RAD54B: variants seen among roughly 807,000 people sequenced by gnomAD.
The protein encoded by RAD54B is RAD54 homolog B, also known as DNA repair and recombination protein RAD54B.
In RAD54B, 78 loss-of-function variants were observed where a neutral mutation model predicts 95.8. The observed-to-expected ratio is 0.81, with a 90% CI of 0.68 to 0.98. RAD54B has a LOEUF of 0.98. Among genes scored for constraint, RAD54B ranks in the 50% least tolerant of loss-of-function variants. The probability of loss-of-function intolerance (pLI) is 0.00; values close to 1 mark genes in which losing one functional copy is unlikely to be tolerated. For missense variants in RAD54B, 957 were observed against 1,056.6 expected (o/e 0.91, Z 1.31); for synonymous variants, 328 against 354.9 (o/e 0.92, Z 0.85).
intron 3 of RAD54B, among the ~76,000 whole-genome samples, chr8:94,415,853 A>G (rs939037135): frequency 3.3e-5 from 5 of 151,648 alleles, no homozygotes; most frequent in African/African-American, 1.2e-4. Context: ...GCAATCATTA[A>G]AAAGTCAGGA....
intron 3 of RAD54B, among the ~76,000 whole-genome samples, chr8:94,425,219 C>T: frequency 6.8e-6 from 1 of 146,168 alleles, no homozygotes. Context: ...AAACCTAAGC[C>T]TTTAATATTC....
At chr8:94,396,785 T>C (rs965808334) in intron 8 of RAD54B, among the ~76,000 whole-genome samples, 9 of 152,160 alleles carry the variant, frequency 5.9e-5, no homozygotes, top group Admixed American at 6.6e-5. Flanking sequence ...TTTTTGGAGA[T>C]AGGACCTTTA....
At chr8:94,437,669 C>CT (rs370163232) in intron 3 of RAD54B, among the ~76,000 whole-genome samples, 2 of 152,072 alleles carry the variant, frequency 1.3e-5, no homozygotes, top group African/African-American at 4.8e-5. Flanking sequence ...GCTAGCCTGC[C>CT]TTATCATGTG....
intron 3 of RAD54B, among the ~76,000 whole-genome samples, chr8:94,448,243 TG>T (rs1812567717): frequency 6.6e-6 from 1 of 152,066 alleles, no homozygotes; most frequent in African/African-American, 2.4e-5. Context: ...GAGCTATGAT[TG>T]TACCACTGCA....
chr8:94,453,920 T>C (rs912730479), intron 3 of RAD54B, among the ~76,000 whole-genome samples: 2 of 151,974 alleles, frequency 1.3e-5, no homozygotes, highest in Non-Finnish European at 2.9e-5. Flanking sequence ...GCCTCCCAAG[T>C]AGCTGGGATT....
intron 12 of RAD54B, 83 bp downstream of exon 12, chr8:94,380,062 T>C (rs1810695042): frequency 3.5e-6 from 5 of 1,414,712 alleles, no homozygotes; most frequent in Non-Finnish European, 4.8e-6. Context: ...GGATATTATA[T>C]ATCATCATTA....
chr8:94,404,013 C>T (rs1048424996), intron 6 of RAD54B, 64 bp downstream of exon 6: 19 of 1,301,176 alleles, frequency 1.5e-5, no homozygotes, highest in Non-Finnish European at 2.0e-5. Flanking sequence ...CTTAGAAAAC[C>T]ATTATTGTGT....
At chr8:94,466,136 C>A (rs1295586582) in intron 2 of RAD54B, among the ~76,000 whole-genome samples, 1 of 151,920 alleles carries the variant, frequency 6.6e-6, no homozygotes, top group African/African-American at 2.4e-5. Context: ...TAATTGTACA[C>A]TTAAAAATGG....
At chr8:94,406,395 A>T (rs2130025890) in intron 5 of RAD54B, among the ~76,000 whole-genome samples, 1 of 152,352 alleles carries the variant, frequency 6.6e-6, no homozygotes. Context: ...GGGATTGTTA[A>T]AAGAGCTGGT....
chr8:94,432,086 T>C, intron 3 of RAD54B: 1 of 1,494,148 alleles, frequency 6.7e-7, no homozygotes, highest in African/African-American at 1.4e-5. Flanking sequence ...TTAAAGTAAT[T>C]TGGCCAAAAT....
chr8:94,464,119 A>G (rs1812971764), intron 2 of RAD54B, among the ~76,000 whole-genome samples: 1 of 152,162 alleles, frequency 6.6e-6, no homozygotes, highest in African/African-American at 2.4e-5. Context: ...AGATTTCCAC[A>G]CCCTAATCCC....
chr8:94,460,364 T>G (rs540297854), intron 2 of RAD54B, among the ~76,000 whole-genome samples: 8 of 152,118 alleles, frequency 5.3e-5, no homozygotes, highest in Non-Finnish European at 1.0e-4. Context: ...CCAGATACTT[T>G]GAACACTGAG....
intron 5 of RAD54B, 105 bp from the exon 6 acceptor site, chr8:94,404,344 G>T: frequency 1.7e-6 from 2 of 1,146,060 alleles, no homozygotes; most frequent in Non-Finnish European, 2.3e-6. Context: ...ATCATTTGTG[G>T]CCAAAAAAGT....
At chr8:94,460,456 G>GCCAGAC (rs1162728885) in intron 2 of RAD54B, among the ~76,000 whole-genome samples, 3 of 152,128 alleles carry the variant, frequency 2.0e-5, no homozygotes, top group African/African-American at 7.2e-5. Flanking sequence ...GGGCAACAGA[G>GCCAGAC]CCAGACCCTG....
Position 94,407,724 on chromosome 8 carries a change from T to C in RAD54B, c.500-4A>G. On this transcript the variant is annotated splice_polypyrimidine_tract_variant and splice_region_variant and intron_variant, in intron 4 of 14. Coordinates refer to ENST00000336148, the MANE Select transcript of RAD54B (RefSeq NM_012415.3). The stretch of plus-strand genomic sequence containing the variant: ...TCTTTGAATTTATAACCAATGCCTT[T>C]AAGTTAAGAAAGAAAAAAATTAATT... The C allele has an allele frequency of 1.9e-6, 3 of 1,601,946 alleles. No individual in the cohort carries two copies. Among genetic ancestry groups the C allele is most frequent in the South Asian group, 1.1e-5 (1 of 89,658 alleles).
chr8:94,465,722 CA>C (rs750546679), intron 2 of RAD54B, among the ~76,000 whole-genome samples: 2 of 152,272 alleles, frequency 1.3e-5, no homozygotes, highest in Admixed American at 1.3e-4. Context: ...TTCACAGCAG[CA>C]TTATTCGCCA....
rs773600623 is a variant in RAD54B at position 94,467,503 on chromosome 8, T to C, written c.37A>G (p.Asn13Asp). ...ATAAATTTTGGTTTTTTGAAGGAAT[T>C]CCCCTGCAACTGACTTGGTGCTGCA... is the stretch of plus-strand genomic sequence containing the variant. ...RSAAPSQLQG[N>D]SFKKPKFIPP... Residue 13 changes from asparagine to aspartate, a missense_variant, in exon 2 of 15, where the codon AAT (asparagine) becomes GAT (aspartate). Asn to Asp is a conservative substitution (Grantham distance 23). Transcript: ENST00000336148. The C allele has an allele frequency of 1.2e-6, 2 of 1,613,714 alleles. No homozygotes were observed. Among genetic ancestry groups the C allele is most frequent in the Non-Finnish European group, 1.7e-6 (2 of 1,180,018 alleles).
chr8:94,431,798 C>T (rs1586165473), intron 3 of RAD54B: 5 of 1,005,746 alleles, frequency 5.0e-6, no homozygotes, highest in Non-Finnish European at 5.9e-6. Context: ...AAAGTTCTAA[C>T]TAAAAATGTT....
At chr8:94,411,610 T>C (rs574843342) in intron 3 of RAD54B, among the ~76,000 whole-genome samples, 4 of 152,090 alleles carry the variant, frequency 2.6e-5, no homozygotes, top group African/African-American at 9.6e-5. Flanking sequence ...ACTCTAAAAA[T>C]TAAGAAATTA....
Sources: gnomAD v4.1 joint callset for allele counts (sites outside exome capture counted in the v4.1 genomes callset) on GRCh38, gnomAD v4.1.1 for gene constraint, MANE v1.5 for transcripts, NCBI Gene and HGNC (gene_info 2026-07-23, HGNC 2026-07-21) for gene names.